CACNA2D3: variants seen among roughly 807,000 people sequenced by gnomAD.
The protein encoded by CACNA2D3 is voltage-dependent calcium channel subunit alpha-2/delta-3.
A neutral mutation model predicts 160.6 loss-of-function variants in CACNA2D3; 60 were observed. The ratio of observed to expected loss-of-function variants is 0.37; its 90% confidence interval spans 0.30 to 0.46. The LOEUF is 0.46. CACNA2D3 is among the 20% of genes least tolerant of loss of function. The pLI is 1.00. For missense variants in CACNA2D3, 1,205 were observed against 1,365.0 expected (o/e 0.88, Z 1.85); for synonymous variants, 558 against 492.9 (o/e 1.13, Z -1.75).
chr3:54,858,714 C>T (rs562310720), intron 17 of CACNA2D3, among the ~76,000 whole-genome samples: 5 of 152,276 alleles, frequency 3.3e-5, no homozygotes, highest in African/African-American at 1.2e-4. Flanking sequence ...ATGGACTTGA[C>T]CGAGAGATAA....
At chr3:54,303,830 T>TTTTTTTTTG (rs1254390824) in intron 2 of CACNA2D3, among the ~76,000 whole-genome samples, 1 of 145,564 alleles carries the variant, frequency 6.9e-6, no homozygotes, top group African/African-American at 2.5e-5. Flanking sequence ...TTTTTTTTTT[T>TTTTTTTTTG]TTTTTTTTCT....
At chr3:54,818,301 A>G (rs938575043) in intron 14 of CACNA2D3, among the ~76,000 whole-genome samples, 1 of 151,992 alleles carries the variant, frequency 6.6e-6, no homozygotes, top group Non-Finnish European at 1.5e-5. Context: ...CTCCTGCCTC[A>G]GCCTCCTGAA....
At chr3:54,187,336 G>A (rs1450073367) in intron 2 of CACNA2D3, among the ~76,000 whole-genome samples, 3 of 152,170 alleles carry the variant, frequency 2.0e-5, no homozygotes, top group African/African-American at 4.8e-5. Context: ...CATAGCAACT[G>A]GGTAGACAGA....
At chr3:54,889,919 G>GT (rs1204324341) in intron 24 of CACNA2D3, among the ~76,000 whole-genome samples, 3 of 152,134 alleles carry the variant, frequency 2.0e-5, no homozygotes, top group Non-Finnish European at 4.4e-5. Context: ...TTCCAAAATG[G>GT]TAACTTGCTT....
intron 27 of CACNA2D3, among the ~76,000 whole-genome samples, chr3:54,961,842 T>C (rs1469812331): frequency 6.6e-6 from 1 of 152,040 alleles, no homozygotes; most frequent in Non-Finnish European, 1.5e-5. Context: ...GCCGGGTAAT[T>C]TGTAAAGAAA....
chr3:54,642,414 CA>C (rs3832224), intron 11 of CACNA2D3, among the ~76,000 whole-genome samples, 173 bp downstream of exon 11: 116,771 of 152,084 alleles, frequency 0.77, 49,171 homozygotes, highest in Non-Finnish European at 0.94. Context: ...TTCTTGTTTT[CA>C]AAAAATGAAA....
intron 5 of CACNA2D3, among the ~76,000 whole-genome samples, chr3:54,533,823 GTGTGT>G (rs1701844727): frequency 8.0e-6 from 1 of 125,470 alleles, no homozygotes; most frequent in South Asian, 2.6e-4. Context: ...GTGTGTGTGT[GTGTGT>G]TAATAGGGTG....
chr3:54,516,249 G>A (rs1701549214), intron 5 of CACNA2D3, among the ~76,000 whole-genome samples: 1 of 152,180 alleles, frequency 6.6e-6, no homozygotes, highest in South Asian at 2.1e-4. Flanking sequence ...TGAGTTTCTA[G>A]TACAAATGAC....
intron 34 of CACNA2D3, among the ~76,000 whole-genome samples, chr3:55,010,923 G>T (rs899554300): frequency 1.3e-5 from 2 of 152,226 alleles, no homozygotes; most frequent in African/African-American, 4.8e-5. Context: ...CTTAAACATT[G>T]TTCTCTCTTA....
At chr3:54,928,278 C>G (rs1175505902) in intron 27 of CACNA2D3, among the ~76,000 whole-genome samples, 3 of 152,122 alleles carry the variant, frequency 2.0e-5, no homozygotes, top group Non-Finnish European at 2.9e-5. Flanking sequence ...CAAACATGAC[C>G]CCAGTGCCTC....
chr3:54,164,853 C>T (rs1264716035), intron 2 of CACNA2D3, among the ~76,000 whole-genome samples: 1 of 152,172 alleles, frequency 6.6e-6, no homozygotes, highest in African/African-American at 2.4e-5. Flanking sequence ...TGGCCTTGAT[C>T]AAGTTAGTTT....
At position 54,286,862 on chromosome 3, in the gene CACNA2D3, C is replaced by T. The variant is rs1320351742; in HGVS notation, c.205-33580C>T. 2.6e-5 allele frequency among the ~76,000 whole-genome samples: 4 copies of T among 152,070 alleles called. No homozygotes were observed. The South Asian group carries it at 6.2e-4, about 24-fold the overall frequency. ...AGTGAAGGAGAAATAAAATACTTTA[C>T]AGACAAGCAAATGCTGAGAGATTCT... is the stretch of plus-strand genomic sequence containing the variant. On this transcript the variant is annotated intron_variant, in intron 2 of 37. Coordinates refer to ENST00000474759, the MANE Select transcript of CACNA2D3 (RefSeq NM_018398.3).
chr3:54,763,780 CATATATATGT>C (rs1702145896), intron 12 of CACNA2D3, among the ~76,000 whole-genome samples: 1 of 25,712 alleles, frequency 3.9e-5, no homozygotes, highest in South Asian at 1.0e-3. Flanking sequence ...TATATATGTA[CATATATATGT>C]ATATATATGT....
At chr3:54,661,734 C>A (rs2106881905) in intron 11 of CACNA2D3, among the ~76,000 whole-genome samples, 1 of 152,068 alleles carries the variant, frequency 6.6e-6, no homozygotes, top group Admixed American at 6.5e-5. Flanking sequence ...CCTCTTGCTG[C>A]AATAGATTCA....
At chr3:54,771,772 T>G (rs993089241) in intron 13 of CACNA2D3, among the ~76,000 whole-genome samples, 2 of 152,028 alleles carry the variant, frequency 1.3e-5, no homozygotes, top group African/African-American at 2.4e-5. Flanking sequence ...ACCAGGGATA[T>G]CCCATCAGCT....
Position 54,642,177 on chromosome 3 carries a change from T to A in CACNA2D3, c.1103T>A (p.Ile368Lys). The change falls in exon 11 of 38, where the codon ATA (isoleucine) becomes AAA (lysine). Residue 368 changes from isoleucine to lysine, a missense_variant. Ile to Lys is a moderately radical substitution (Grantham distance 102). Coordinates refer to ENST00000474759, the MANE Select transcript of CACNA2D3 (RefSeq NM_018398.3). ...GSICSQAIML[I>K]TDGAVDTYDT... ...ATCTGCAGTCAGGCCATCATGCTCA[T>A]AACTGATGGGGCGGTGGACACCTAT... 1 of 1,613,464 alleles carries A rather than the reference T, an allele frequency of 6.2e-7. No individual in the cohort carries two copies. Among genetic ancestry groups the A allele is most frequent in the Non-Finnish European group, 8.5e-7 (1 of 1,179,692 alleles).
chr3:54,271,763 TG>T (rs1348942665), intron 2 of CACNA2D3, among the ~76,000 whole-genome samples: 1 of 152,216 alleles, frequency 6.6e-6, no homozygotes, highest in African/African-American at 2.4e-5. Context: ...GGCATGGTGG[TG>T]GAGGGCCTCT....
At chr3:54,709,857 T>C (rs113209588) in intron 11 of CACNA2D3, among the ~76,000 whole-genome samples, 3,526 of 152,290 alleles carry the variant, frequency 0.023, 59 homozygotes, top group Middle Eastern at 0.044. Flanking sequence ...TCCTAGGAGT[T>C]TGAGTCTGCA....
intron 2 of CACNA2D3, among the ~76,000 whole-genome samples, chr3:54,158,576 G>A (rs2107293324): frequency 1.3e-5 from 2 of 152,260 alleles, no homozygotes; most frequent in Middle Eastern, 3.4e-3. Context: ...GGCTTCTCGG[G>A]ACTAGATGGA....
Sources: allele counts gnomAD v4.1 joint callset (sites outside exome capture counted in the v4.1 genomes callset), GRCh38; gene constraint gnomAD v4.1.1; transcripts MANE v1.5; gene names NCBI Gene and HGNC (gene_info 2026-07-23, HGNC 2026-07-21).